Variants in PAG1 observed in about 807,000 individuals in gnomAD.
PAG1 encodes the protein phosphoprotein membrane anchor with glycosphingolipid microdomains 1, also known as phosphoprotein associated with glycosphingolipid-enriched microdomains 1.
A neutral mutation model predicts 31.7 loss-of-function variants in PAG1; 23 were observed. The ratio of observed to expected loss-of-function variants is 0.73; its 90% CI spans 0.52 to 1.03. PAG1 has a LOEUF of 1.03. PAG1 is among the 50% of genes least tolerant of loss of function. The probability of loss-of-function intolerance (pLI) is 0.00; values close to 1 mark genes in which losing one functional copy is unlikely to be tolerated. For synonymous variants in PAG1, 214 were observed against 210.3 expected, an observed-to-expected ratio of 1.02 and a Z score of -0.15; for missense variants, 473 against 540.7, an observed-to-expected ratio of 0.87 and a Z score of 1.24.
At chr8:81,007,809 A>G (rs1321122803) in intron 3 of PAG1, among the ~76,000 whole-genome samples, 1 of 152,194 alleles carries the variant, frequency 6.6e-6, no homozygotes, top group Non-Finnish European at 1.5e-5. Flanking sequence ...TCCTAGAGGC[A>G]TGAGGTTTGC....
chr8:81,068,172 C>T (rs1452629501), intron 2 of PAG1, among the ~76,000 whole-genome samples: 1 of 152,214 alleles, frequency 6.6e-6, no homozygotes, highest in African/African-American at 2.4e-5. Context: ...GCTGGGATTA[C>T]AGGCGTGAGC....
intron 3 of PAG1, among the ~76,000 whole-genome samples, chr8:81,003,653 TTCCCCTTC>T (rs1807826326): frequency 6.6e-6 from 1 of 152,122 alleles, no homozygotes; most frequent in East Asian, 1.9e-4. Flanking sequence ...ATGCCTCAGT[TTCCCCTTC>T]TGAAAAATGT....
chr8:81,001,596 T>C (rs74831837), intron 3 of PAG1, among the ~76,000 whole-genome samples: 1 of 152,096 alleles, frequency 6.6e-6, no homozygotes, highest in African/African-American at 2.4e-5. Context: ...ACATACCAGT[T>C]TTGACTCATA....
intron 5 of PAG1, among the ~76,000 whole-genome samples, chr8:80,988,590 C>T (rs796579014): frequency 5.9e-5 from 9 of 152,218 alleles, no homozygotes; most frequent in South Asian, 2.1e-4. Context: ...CCTCTGGAAT[C>T]GGTGGGACTA....
chr8:81,054,674 CA>C (rs1317832426), intron 2 of PAG1, among the ~76,000 whole-genome samples: 2 of 148,818 alleles, frequency 1.3e-5, no homozygotes, highest in East Asian at 3.9e-4. Context: ...GACTCCGTCT[CA>C]AAAAAGAAAA....
intron 6 of PAG1, among the ~76,000 whole-genome samples, chr8:80,985,895 G>A (rs1807409310): frequency 6.6e-6 from 1 of 152,198 alleles, no homozygotes; most frequent in Non-Finnish European, 1.5e-5. Context: ...TTAGCACAAA[G>A]GGACTGGCAC....
At chr8:81,071,846 G>A (rs542769677) in intron 1 of PAG1, among the ~76,000 whole-genome samples, 59 of 152,304 alleles carry the variant, frequency 3.9e-4, no homozygotes, top group African/African-American at 1.3e-3. Flanking sequence ...GGCCCCATCC[G>A]TGCTTGTTCT....
chr8:80,984,778 TGTTA>T lies in PAG1; in HGVS notation c.870_873del (p.Asn291ArgfsTer29). 6.2e-7 allele frequency: 1 copy of T among 1,612,586 alleles called. No individual in the cohort carries two copies. On this transcript the variant is annotated frameshift_variant, in exon 7 of 9. Transcript: ENST00000220597. LOFTEE classifies it high-confidence loss of function. Reference sequence around the variant, plus strand: ...AAAACAAAAACGCCAGTGCCCACCTTGTTAGTTTCACTGGTCGTGTCTGTGGCAC... The same window carrying T: ...AAAACAAAAACGCCAGTGCCCACCTTGTTTCACTGGTCGTGTCTGTGGCAC...
At chr8:80,995,396 C>T (rs193235097) in intron 3 of PAG1, among the ~76,000 whole-genome samples, 2 of 152,240 alleles carry the variant, frequency 1.3e-5, no homozygotes, top group East Asian at 1.9e-4. Flanking sequence ...CATGTTTGCC[C>T]CCAGACAGCT....
chr8:81,091,965 A>G (rs1586214675), intron 1 of PAG1, among the ~76,000 whole-genome samples: 1 of 149,848 alleles, frequency 6.7e-6, no homozygotes, highest in African/African-American at 2.5e-5. Flanking sequence ...GCATCACTGC[A>G]CTCCAGCCTC....
chr8:81,096,335 G>A (rs1394924780), intron 1 of PAG1, among the ~76,000 whole-genome samples: 1 of 152,096 alleles, frequency 6.6e-6, no homozygotes, highest in African/African-American at 2.4e-5. Context: ...GTCTTGAGAA[G>A]AGACTTCACA....
intron 7 of PAG1, among the ~76,000 whole-genome samples, chr8:80,983,247 C>T (rs1477964278): frequency 6.6e-6 from 1 of 152,196 alleles, no homozygotes; most frequent in Non-Finnish European, 1.5e-5. Context: ...AACCTCACCC[C>T]CTTGGATCCT....
chr8:81,039,136 A>T (rs1808510912), intron 2 of PAG1, among the ~76,000 whole-genome samples: 2 of 152,074 alleles, frequency 1.3e-5, no homozygotes, highest in Admixed American at 6.5e-5. Flanking sequence ...AGAGAATCTT[A>T]TACTCTGTGT....
chr8:81,002,432 C>T (rs1031085401), intron 3 of PAG1, among the ~76,000 whole-genome samples: 6 of 152,156 alleles, frequency 3.9e-5, no homozygotes, highest in African/African-American at 1.4e-4. Context: ...TGGGACTGCA[C>T]AGTAAAAGAT....
chr8:80,993,544 G>A lies in PAG1; in HGVS notation c.-80-237C>T, dbSNP rs1262671539. ...GGAACATACAGCTGCCTGGCCCAGT[G>A]TTTGAAGCAATGGATGTCTTATCTT... On this transcript the variant is annotated intron_variant, in intron 3 of 8. Coordinates refer to ENST00000220597, the MANE Select transcript of PAG1 (RefSeq NM_018440.4). 4.0e-5 allele frequency among the ~76,000 whole-genome samples: 6 copies of A among 151,566 alleles called. No homozygotes were observed. In the East Asian group the frequency reaches 1.2e-3, roughly 29 times the overall value.
intron 3 of PAG1, among the ~76,000 whole-genome samples, chr8:81,002,693 G>A (rs372867528): frequency 6.6e-6 from 1 of 152,184 alleles, no homozygotes; most frequent in Non-Finnish European, 1.5e-5. Context: ...AAATCATTAC[G>A]CAGTACTTAA....
chr8:81,027,906 A>G (rs996797054), intron 3 of PAG1, among the ~76,000 whole-genome samples: 2 of 123,214 alleles, frequency 1.6e-5, no homozygotes, highest in African/African-American at 7.4e-5. Flanking sequence ...CTCCGTCTCA[A>G]AAAAAAAAAA....
At chr8:80,977,602 A>T (rs1807211714) in intron 8 of PAG1, among the ~76,000 whole-genome samples, 1 of 152,238 alleles carries the variant, frequency 6.6e-6, no homozygotes, top group Non-Finnish European at 1.5e-5. Flanking sequence ...GTTGCGTATT[A>T]CTGGTTAAAC....
At chr8:81,099,957 G>A (rs1477639313) in intron 1 of PAG1, among the ~76,000 whole-genome samples, 1 of 152,086 alleles carries the variant, frequency 6.6e-6, no homozygotes, top group African/African-American at 2.4e-5. Context: ...CTTCTTTCCT[G>A]ACATTTCACA....
Sources: gnomAD v4.1 joint callset for allele counts (sites outside exome capture counted in the v4.1 genomes callset) on GRCh38, gnomAD v4.1.1 for gene constraint, MANE v1.5 for transcripts, NCBI Gene and HGNC (gene_info 2026-07-23, HGNC 2026-07-21) for gene names.